The following N4BP2 variants were observed in gnomAD, a reference collection of about 807,000 sequenced individuals.
N4BP2 encodes the protein NEDD4-binding protein 2.
In N4BP2, 91 loss-of-function variants were observed where a neutral mutation model predicts 152.8. That is an observed-to-expected ratio of 0.60 (90% CI 0.50 to 0.71). The LOEUF is 0.71. Among genes scored for constraint, N4BP2 ranks in the 30% least tolerant of loss-of-function variants. N4BP2 has a pLI of 0.00. For synonymous variants in N4BP2, 646 were observed against 705.3 expected, an observed-to-expected ratio of 0.92 and a Z score of 1.33; for missense variants, 1,923 against 2,059.1, an observed-to-expected ratio of 0.93 and a Z score of 1.28.
the N4BP2 span, among the ~76,000 whole-genome samples, chr4:40,179,095 G>A: frequency 3.3e-5 from 5 of 152,246 alleles, no homozygotes; most frequent in South Asian, 2.1e-4. Context: ...GAGGCTGGGC[G>A]CAGCAGCTCA....
At position 40,144,796 on chromosome 4, in the gene N4BP2, T is replaced by C. The variant is rs1720358042; in HGVS notation, c.5139T>C (p.Thr1713=). 1 of 1,609,436 alleles carries C rather than the reference T, an allele frequency of 6.2e-7. No homozygotes were observed. Among genetic ancestry groups the C allele is most frequent in the African/African-American group, 1.3e-5 (1 of 74,748 alleles). ...EHLMRVLEKK[T]EEFKQNGGKP... ...TGATGAGAGTTTTAGAGAAGAAGAC[T>C]GAAGGTAGGACTGTGGTAATCACAA... The change falls in exon 16 of 18, where the codon ACT becomes ACC. Residue 1713 remains threonine, a synonymous_variant. Coordinates refer to ENST00000261435, the MANE Select transcript of N4BP2 (RefSeq NM_018177.6).
chr4:40,148,709 C>T lies in N4BP2; in HGVS notation c.5143+3909C>T, dbSNP rs867191881. On this transcript the variant is annotated intron_variant, in intron 16 of 17. Transcript: ENST00000261435. ...CTCAGTGTGTTGCTTAGACTGGTCT[C>T]GAACTTCTGGGCTCAAGTGATCCTC... Among the ~76,000 whole-genome samples, 7 of 152,064 alleles carry T rather than the reference C, an allele frequency of 4.6e-5. 1 individual carries two copies. Among genetic ancestry groups the T allele is most frequent in the Admixed American group, 2.0e-4 (3 of 15,282 alleles).
At chr4:40,145,399 T>G (rs1341256699) in intron 16 of N4BP2, among the ~76,000 whole-genome samples, 1 of 152,140 alleles carries the variant, frequency 6.6e-6, no homozygotes, top group Non-Finnish European at 1.5e-5. Context: ...AGTTTTTGTA[T>G]TTTTAGTGGA....
At chr4:40,061,867 G>A (rs965668967) in intron 1 of N4BP2, among the ~76,000 whole-genome samples, 2 of 151,872 alleles carry the variant, frequency 1.3e-5, no homozygotes, top group African/African-American at 4.8e-5. Flanking sequence ...TTTTCGCCAT[G>A]TTGGCCAGGG....
chr4:40,058,624 AG>A (rs1247031357), intron 1 of N4BP2, among the ~76,000 whole-genome samples: 8 of 152,284 alleles, frequency 5.3e-5, no homozygotes, highest in African/African-American at 1.9e-4. Context: ...GTTAATTTGA[AG>A]GGGAGATAGA....
Position 40,098,507 on chromosome 4 carries a change from C to G in N4BP2, c.229+938C>G, listed in dbSNP as rs143302329. Among the ~76,000 whole-genome samples, 314 of 152,170 alleles carry G rather than the reference C, an allele frequency of 2.1e-3. 2 individuals are homozygous for G. The highest frequency in any genetic ancestry group is 0.017 in the East Asian group (87 of 5,178). ...TAGATGAGTAAATTAAATGTTGATG[C>G]TTAGTATTGTTACTAGCCATGATTA... On this transcript the variant is annotated intron_variant, in intron 3 of 17. Coordinates refer to ENST00000261435, the MANE Select transcript of N4BP2 (RefSeq NM_018177.6).
At chr4:40,076,479 A>G (rs998955657) in intron 2 of N4BP2, among the ~76,000 whole-genome samples, 7 of 152,188 alleles carry the variant, frequency 4.6e-5, no homozygotes, top group Non-Finnish European at 8.8e-5. Context: ...TTGTGTCAAA[A>G]AAAACCCAAA....
At chr4:40,114,166 G>A (rs180737631) in intron 7 of N4BP2, among the ~76,000 whole-genome samples, 34 of 152,222 alleles carry the variant, frequency 2.2e-4, no homozygotes, top group African/African-American at 7.9e-4. Context: ...AGGCATGGAT[G>A]TACAGTTTGT....
At chr4:40,150,201 T>C (rs1721017661) in intron 16 of N4BP2, among the ~76,000 whole-genome samples, 1 of 152,246 alleles carries the variant, frequency 6.6e-6, no homozygotes, top group African/African-American at 2.4e-5. Flanking sequence ...GGACCTTATG[T>C]CCCTTCTGGT....
rs1215284692 is a variant in N4BP2 at position 40,157,269 on chromosome 4, T to C, written c.*3032T>C. ...TACATTATTTTTAATGTGCAGTTTC[T>C]TCAATTGGTTAGTATTTCCATACTA... On this transcript the variant is annotated 3_prime_UTR_variant, in exon 18 of 18. Coordinates refer to ENST00000261435, the MANE Select transcript of N4BP2 (RefSeq NM_018177.6). 2 of 152,096 alleles carry C rather than the reference T, an allele frequency of 1.3e-5. No individual in the cohort carries two copies. Among genetic ancestry groups the C allele is most frequent in the Non-Finnish European group, 2.9e-5 (2 of 67,942 alleles). 9.4% of individuals were successfully genotyped at this position (152,096 alleles called of 1,614,324 possible).
rs540252124 is a variant in N4BP2 at position 40,118,348 on chromosome 4, AGAGGTTGCGGTGAGCT to A, written c.1820+340_1820+355del. Among the ~76,000 whole-genome samples the A allele has an allele frequency of 1.1e-4, 16 of 152,268 alleles. No individual in the cohort carries two copies. The South Asian group carries it at 3.1e-3, about 30-fold the overall frequency. On this transcript the variant is annotated intron_variant, in intron 8 of 17. Coordinates refer to ENST00000261435, the MANE Select transcript of N4BP2 (RefSeq NM_018177.6). ...GGAGAATTGCTTGAACCCTGGAGGC[AGAGGTTGCGGTGAGCT>A]GAGGTTGCGGTGAGCCGAGATTGCG...
rs1560647309 is a variant in N4BP2 at position 40,148,839 on chromosome 4, T to G, written c.5144-3941T>G. Among the ~76,000 whole-genome samples the G allele has an allele frequency of 2.0e-5, 3 of 152,160 alleles. No homozygotes were observed. The South Asian group carries it at 6.2e-4, about 32-fold the overall frequency. ...TTTATTGTTGAATAATATTCCATTG[T>G]GTCTATATCACATTTTTTTATCAAT... On this transcript the variant is annotated intron_variant, in intron 16 of 17. Transcript: ENST00000261435.
In N4BP2 at chr4:40,118,005, T is replaced by C. The variant is rs1275588844; in HGVS notation, c.1801T>C (p.Cys601Arg). 1 of 1,601,228 alleles carries C rather than the reference T, an allele frequency of 6.2e-7. No homozygotes were observed. The highest frequency in any genetic ancestry group is 8.5e-7 in the Non-Finnish European group (1 of 1,174,230). Residue 601 changes from cysteine (C) to arginine (R), a missense_variant, in exon 8 of 18, where the codon TGT becomes CGT. Cys to Arg is a radical substitution (Grantham distance 180). Transcript: ENST00000261435. ...ACGTATTGAGTTGTGTGCATATTCT[T>C]GTGAGGATAGAAGCACTAGGTAGGT... The part of the protein sequence containing the change: ...IERIELCAYS[C>R]EDRSTSPRDD...
chr4:40,152,845 G>A lies in N4BP2; in HGVS notation c.5209G>A (p.Gly1737Arg), dbSNP rs113404449. The change falls in exon 17 of 18, where the codon GGA becomes AGA. Residue 1737 changes from glycine to arginine, a missense_variant. Gly to Arg is a moderately radical substitution (Grantham distance 125). Coordinates refer to ENST00000261435, the MANE Select transcript of N4BP2 (RefSeq NM_018177.6). ...VITGRGNHSQ[G>R]GVARIKPAVI... ...TACGGGGAGAGGAAACCACAGCCAG[G>A]GAGGAGTTGCTCGCATCAAACCAGC... 47,602 of 1,613,912 alleles carry A rather than the reference G, an allele frequency of 0.029. 808 individuals are homozygous for A. The highest frequency in any genetic ancestry group is 0.033 in the Non-Finnish European group (39,036 of 1,179,854).
the N4BP2 span, among the ~76,000 whole-genome samples, chr4:40,171,879 G>C: frequency 1.3e-5 from 2 of 152,112 alleles, no homozygotes; most frequent in Non-Finnish European, 2.9e-5. Context: ...TCCAGCACAG[G>C]AGAAAGATGG....
intron 3 of N4BP2, among the ~76,000 whole-genome samples, chr4:40,098,337 G>T (rs892297336): frequency 6.6e-6 from 1 of 152,154 alleles, no homozygotes; most frequent in Non-Finnish European, 1.5e-5. Context: ...AAATATAACA[G>T]TATGTGCTTC....
chr4:40,071,545 A>G (rs1314109815), intron 1 of N4BP2, among the ~76,000 whole-genome samples: 2 of 152,122 alleles, frequency 1.3e-5, no homozygotes, highest in Non-Finnish European at 2.9e-5. Flanking sequence ...ATAGGGTGGT[A>G]CTTTGACATC....
At chr4:40,124,297 T>C (rs914849549) in intron 11 of N4BP2, 92 bp downstream of exon 11, 1 of 773,674 alleles carries the variant, frequency 1.3e-6, no homozygotes, top group East Asian at 2.7e-5. Context: ...TTCCACAAAA[T>C]ACGGTACCCA....
intron 12 of N4BP2, among the ~76,000 whole-genome samples, chr4:40,130,428 T>C (rs1718810621): frequency 6.6e-6 from 1 of 152,240 alleles, no homozygotes; most frequent in African/African-American, 2.4e-5. Flanking sequence ...CTCTTGTGGT[T>C]CCTCTTTTAT....
Sources: gnomAD v4.1 joint callset for allele counts (sites outside exome capture counted in the v4.1 genomes callset) on GRCh38, gnomAD v4.1.1 for gene constraint, MANE v1.5 for transcripts, NCBI Gene and HGNC (gene_info 2026-07-23, HGNC 2026-07-21) for gene names.